Variants in SON observed in about 807,000 individuals in gnomAD.
The protein encoded by SON is protein SON.
In SON, 4 loss-of-function variants were observed where a neutral mutation model predicts 173.3. The observed-to-expected ratio is 0.02, with a 90% confidence interval of 0.01 to 0.05. The LOEUF (loss-of-function observed/expected upper bound fraction) is 0.05, where lower values mean the gene tolerates loss of function less well. Among genes scored for constraint, SON ranks in the 10% least tolerant of loss-of-function variants. The probability of loss-of-function intolerance (pLI) is 1.00; values close to 1 mark genes in which losing one functional copy is unlikely to be tolerated. For synonymous variants in SON, 1,190 were observed against 1,105.9 expected (o/e 1.08, Z -1.51); for missense variants, 2,626 against 3,055.3 (o/e 0.86, Z 3.31).
chr21:33,556,261 C>T (rs1373431635), intron 3 of SON, among the ~76,000 whole-genome samples: 1 of 152,070 alleles, frequency 6.6e-6, no homozygotes, highest in African/African-American at 2.4e-5. Flanking sequence ...GTGGAGGAGA[C>T]ATGGGTAAAA....
In SON at chr21:33,552,878, G is replaced by T. The variant is rs1169047456; in HGVS notation, c.3647G>T (p.Ser1216Ile). 2 of 1,613,692 alleles carry T rather than the reference G, an allele frequency of 1.2e-6. No homozygotes were observed. The highest frequency in any genetic ancestry group is 1.7e-5 in the Admixed American group (1 of 60,006). ...GTATCGCAGCCTGAGCCTCCTGTGAGTCAAAGTGAGATTTCGGAGCCTTCA... is the reference window on the plus strand; with the variant it reads ...GTATCGCAGCCTGAGCCTCCTGTGATTCAAAGTGAGATTTCGGAGCCTTCA... Reference protein sequence around the residue: ...ESVSQPEPPVSQSEISEPSAV... With the variant: ...ESVSQPEPPVIQSEISEPSAV... Residue 1216 changes from serine (S) to isoleucine (I), a missense_variant, in exon 3 of 12, where the codon AGT becomes ATT. Ser to Ile is a moderately radical substitution (Grantham distance 142, BLOSUM62 -2). This residue lies in a region of SON where 1,006 missense variants were observed against 895.6 expected (regional missense o/e 1.12). Coordinates refer to ENST00000356577, the MANE Select transcript of SON (RefSeq NM_138927.4). This position sits in a 1 kb window ranked among gnomAD's most constrained non-coding sequence, Gnocchi z 5.6.
At position 33,555,354 on chromosome 21, in the gene SON, T is replaced by A. The variant is rs2085946091; in HGVS notation, c.6123T>A (p.Ser2041=). Reference sequence around the variant, plus strand: ...TCCGTCGTAAAAGATCCAGGTCTTCTGAACGAGGCAGATCACCCAAACGTC... The same window carrying A: ...TCCGTCGTAAAAGATCCAGGTCTTCAGAACGAGGCAGATCACCCAAACGTC... ...SPIRRKRSRS[S]ERGRSPKRLT... Residue 2041 remains serine, a synonymous_variant, in exon 3 of 12, where the codon TCT becomes TCA. Coordinates refer to ENST00000356577, the MANE Select transcript of SON (RefSeq NM_138927.4). 13 of 1,585,180 alleles carry A rather than the reference T, an allele frequency of 8.2e-6. No homozygotes were observed. The highest frequency in any genetic ancestry group is 1.1e-5 in the Non-Finnish European group (13 of 1,165,476).
Position 33,550,168 on chromosome 21 carries a change from C to G in SON, c.937C>G (p.Pro313Ala), listed in dbSNP as rs893149017. Residue 313 changes from proline (P) to alanine (A), a missense_variant, in exon 3 of 12, where the codon CCT becomes GCT. By Grantham distance (27) the Pro-to-Ala change is conservative. Transcript: ENST00000356577. Reference protein sequence around the residue: ...SETLVVSSETPTEVYPEPSTS... With the variant: ...SETLVVSSETATEVYPEPSTS... ...AACCCTTGTGGTATCATCAGAGACACCTACTGAGGTGTACCCTGAGCCAAG... is the reference window on the plus strand; with the variant it reads ...AACCCTTGTGGTATCATCAGAGACAGCTACTGAGGTGTACCCTGAGCCAAG... 2.5e-6 allele frequency: 4 copies of G among 1,614,228 alleles called. No homozygotes were observed. In the Admixed American group the frequency reaches 6.7e-5, roughly 27 times the overall value.
chr21:33,546,124 G>A, intron 1 of SON, 89 bp from the exon 2 acceptor site: 1 of 1,118,492 alleles, frequency 8.9e-7, no homozygotes, highest in Non-Finnish European at 1.3e-6. Flanking sequence ...CTGACAGTCA[G>A]TACAACATAT....
intron 3 of SON, among the ~76,000 whole-genome samples, chr21:33,556,310 G>C (rs1344764706): frequency 6.6e-6 from 1 of 152,172 alleles, no homozygotes; most frequent in Non-Finnish European, 1.5e-5. Flanking sequence ...TGTCTAAAAA[G>C]GACAGAATGT....
chr21:33,549,939 A>G lies in SON; in HGVS notation c.708A>G (p.Pro236=), dbSNP rs370620486. The G allele has an allele frequency of 6.2e-7, 1 of 1,614,216 alleles. No homozygotes were observed. The highest frequency in any genetic ancestry group is 1.3e-5 in the African/African-American group (1 of 75,074). The change falls in exon 3 of 12, where the codon CCA becomes CCG. Residue 236 remains proline (P), a synonymous_variant. Transcript: ENST00000356577. ...SEQSVAVMPE[P]SMTKILDSFA... is the part of the protein sequence containing the mutation. The stretch of plus-strand genomic sequence containing the variant: ...AGTCTGTGGCAGTAATGCCAGAACC[A>G]TCCATGACAAAGATTCTGGATTCCT...
At chr21:33,549,330 C>T in intron 2 of SON, 146 bp from the exon 3 acceptor site, 1 of 601,312 alleles carries the variant, frequency 1.7e-6, no homozygotes, top group Non-Finnish European at 2.6e-6. Context: ...GCCTTGGCCT[C>T]TCAGAGTGCT....
chr21:33,549,142 A>G (rs1430132990), intron 2 of SON, among the ~76,000 whole-genome samples: 5 of 146,354 alleles, frequency 3.4e-5, no homozygotes. Context: ...ACAGTGGTGC[A>G]ATTTCAGCTC....
intron 6 of SON, among the ~76,000 whole-genome samples, chr21:33,566,873 C>T (rs2086183228): frequency 6.6e-6 from 1 of 151,978 alleles, no homozygotes; most frequent in Non-Finnish European, 1.5e-5. Flanking sequence ...ATGGAACTTT[C>T]TATGATTATA....
chr21:33,548,459 G>A (rs993345173), intron 2 of SON, among the ~76,000 whole-genome samples: 3 of 152,190 alleles, frequency 2.0e-5, no homozygotes, highest in South Asian at 4.1e-4. Context: ...AGAATGTAAC[G>A]TAGGCATGAT....
rs777416522 is a variant in SON, at chr21:33,551,490, C to G, written c.2259C>G (p.Ser753=). 1 of 1,614,106 alleles carries G rather than the reference C, an allele frequency of 6.2e-7. No individual in the cohort carries two copies. Among genetic ancestry groups the G allele is most frequent in the Non-Finnish European group, 8.5e-7 (1 of 1,179,996 alleles). Residue 753 remains serine, a synonymous_variant, in exon 3 of 12, where the codon TCC becomes TCG. Transcript: ENST00000356577. ...TGCTAGCATCCAACACCATGGACTC[C>G]CAGATGTTAGCGTCTAGCACCATGG... ...SQMLASNTMD[S]QMLASSTMDS...
At chr21:33,574,365 ATGT>A (rs1031059030) in intron 9 of SON, among the ~76,000 whole-genome samples, 3 of 152,326 alleles carry the variant, frequency 2.0e-5, no homozygotes, top group Admixed American at 6.5e-5. Context: ...AAATACTTTG[ATGT>A]TAAGTATTGT....
Position 33,554,954 on chromosome 21 carries a change from G to C in SON, c.5723G>C (p.Arg1908Thr). The change falls in exon 3 of 12, where the codon AGA (arginine) becomes ACA (threonine). Residue 1908 changes from arginine to threonine, a missense_variant. Physicochemically the swap from Arg to Thr is moderately conservative, Grantham distance 71. Transcript: ENST00000356577. ...RSKSRERKRK[R>T]SSSRDNRKTV... ...AAGTCTAGGGAAAGAAAAAGAAAAA[G>C]ATCAAGCTCCAGGGATAACCGAAAG... 1 of 1,614,012 alleles carries C rather than the reference G, an allele frequency of 6.2e-7. No individual in the cohort carries two copies. The highest frequency in any genetic ancestry group is 8.5e-7 in the Non-Finnish European group (1 of 1,180,028).
At chr21:33,575,309 T>TGC (rs2086375706) in intron 9 of SON, among the ~76,000 whole-genome samples, 7 of 152,202 alleles carry the variant, frequency 4.6e-5, no homozygotes, top group African/African-American at 1.7e-4. Flanking sequence ...GTGCTGGGAT[T>TGC]ACAGGCATGA....
rs2085993284 is a variant in SON at position 33,557,630 on chromosome 21, A to G, written c.6321+314A>G. The G allele has an allele frequency of 2.6e-6, 4 of 1,545,484 alleles. No individual in the cohort carries two copies. In the Admixed American group the frequency reaches 5.9e-5, roughly 23 times the overall value. On this transcript the variant is annotated intron_variant, in intron 4 of 11. Coordinates refer to ENST00000356577, the MANE Select transcript of SON (RefSeq NM_138927.4). Reference sequence around the variant, plus strand: ...GTGAGCAACACGCAGAAGCTCGCCTACAGTTTCGTTTCCATTCACGACGCG... The same window carrying G: ...GTGAGCAACACGCAGAAGCTCGCCTGCAGTTTCGTTTCCATTCACGACGCG...
At chr21:33,568,872 A>AT (rs746202266) in intron 7 of SON, 99 bp from the exon 8 acceptor site, 17 of 677,020 alleles carry the variant, frequency 2.5e-5, no homozygotes, top group East Asian at 2.1e-4. Context: ...AAAGTTAAAT[A>AT]TTTAAGTCTG....
rs76695981 is a variant in SON, at chr21:33,568,948, C to G, written c.6769-23C>G. On this transcript the variant is annotated intron_variant, in intron 7 of 11. Transcript: ENST00000356577. ...TAATCAGGTAATTTTACTTAGTTAA[C>G]TGAGACTACTTCTTTTCTTCAGATT... is the stretch of plus-strand genomic sequence containing the variant. 11 of 1,434,272 alleles carry G rather than the reference C, an allele frequency of 7.7e-6. No individual in the cohort carries two copies. The South Asian group carries it at 1.2e-4, about 15-fold the overall frequency. 88.8% of individuals were successfully genotyped at this position (1,434,272 alleles called of 1,614,324 possible). A position where few individuals can be genotyped will look rare whatever the true frequency, so the allele number is the denominator to read the frequency against.
At chr21:33,573,569 A>ATTTGTCAG (rs1267019237) in intron 9 of SON, 114 bp downstream of exon 9, 5 of 870,332 alleles carry the variant, frequency 5.7e-6, no homozygotes, top group Middle Eastern at 2.6e-4. Flanking sequence ...ATATACAGGT[A>ATTTGTCAG]TTTGTCAGAA....
Position 33,543,128 on chromosome 21 carries a change from C to G in SON, c.36C>G (p.Phe12Leu). The change falls in exon 1 of 12, where the codon TTC (phenylalanine) becomes TTG (leucine). Residue 12 changes from phenylalanine to leucine, a missense_variant. Around this residue, in one of 13 missense-constraint regions of SON, gnomAD observed 757 missense variants for 730.1 expected, o/e 1.04. Coordinates refer to ENST00000356577, the MANE Select transcript of SON (RefSeq NM_138927.4). ...ACATCGAGCAGATTTTTAGGTCTTT[C>G]GTGGTCAGTAAATTCCGGGAAATTC... The part of the protein sequence containing the change: ...ATNIEQIFRS[F>L]VVSKFREIQQ... 6.2e-7 allele frequency: 1 copy of G among 1,614,240 alleles called. No homozygotes were observed. Among genetic ancestry groups the G allele is most frequent in the Non-Finnish European group, 8.5e-7 (1 of 1,180,034 alleles).
Sources: gnomAD v4.1 joint callset for allele counts (sites outside exome capture counted in the v4.1 genomes callset) on GRCh38, gnomAD v4.1.1 for gene constraint, gnomAD v4.1.1 regional missense constraint, Gnocchi (gnomAD v3.1) non-coding constraint, MANE v1.5 for transcripts, NCBI Gene and HGNC (gene_info 2026-07-23, HGNC 2026-07-21) for gene names.